FLII: variants seen among roughly 807,000 people sequenced by gnomAD.
FLII encodes FLII actin remodeling protein.
Under a neutral mutation model 156.2 loss-of-function variants are expected in FLII, and 101 were observed. That is an observed-to-expected ratio of 0.65 (90% CI 0.55 to 0.76). FLII has a LOEUF of 0.76. Among genes scored for constraint, FLII ranks in the 30% least tolerant of loss-of-function variants. The probability of loss-of-function intolerance (pLI) is 0.00; values close to 1 mark genes in which losing one functional copy is unlikely to be tolerated. For missense variants in FLII, 1,675 were observed against 1,682.8 expected (o/e 1.00, Z 0.08); for synonymous variants, 767 against 685.8 (o/e 1.12, Z -1.85).
Position 18,247,052 on chromosome 17 carries a change from C to G in FLII, c.2677G>C (p.Ala893Pro). The change falls in exon 22 of 30, where the codon GCG becomes CCG. Residue 893 changes from alanine to proline, a missense_variant and splice_region_variant. Around this residue, in one of 2 missense-constraint regions of FLII, gnomAD observed 1,332 missense variants for 1,269.3 expected, o/e 1.05. Coordinates refer to ENST00000327031, the MANE Select transcript of FLII (RefSeq NM_002018.4). ...TTCCACTCCTCCATCAGCTGCTCCG[C>G]CTGCAGGTGAGAGGGACCCGCCCCG... is the stretch of plus-strand genomic sequence containing the variant. Reference protein sequence around the residue: ...PRQPPMSLAEAEQLMEEWNED... With the variant: ...PRQPPMSLAEPEQLMEEWNED... 1 of 1,612,786 alleles carries G rather than the reference C, an allele frequency of 6.2e-7. No individual in the cohort carries two copies. The highest frequency in any genetic ancestry group is 8.5e-7 in the Non-Finnish European group (1 of 1,180,002).
At chr17:18,253,059 A>T (rs1048442883) in intron 9 of FLII, among the ~76,000 whole-genome samples, 3 of 152,242 alleles carry the variant, frequency 2.0e-5, no homozygotes, top group Admixed American at 2.0e-4. Context: ...CTGAGGCAGG[A>T]GATTCGCTTG....
In FLII at chr17:18,244,902, G is replaced by A. The variant is rs374445084; in HGVS notation, c.*236C>T. 3 of 530,272 alleles carry A rather than the reference G, an allele frequency of 5.7e-6. No homozygotes were observed. Among genetic ancestry groups the A allele is most frequent in the Non-Finnish European group, 1.0e-5 (3 of 298,716 alleles). 32.8% of individuals were successfully genotyped at this position (530,272 alleles called of 1,614,324 possible). Reference sequence around the variant, plus strand: ...GGCATCCACATCTGCTTTATCCCTAGCGGAAGAGTGAGGGGGCTTCACACG... The same window carrying A: ...GGCATCCACATCTGCTTTATCCCTAACGGAAGAGTGAGGGGGCTTCACACG... On this transcript the variant is annotated 3_prime_UTR_variant, in exon 30 of 30. Coordinates refer to ENST00000327031, the MANE Select transcript of FLII (RefSeq NM_002018.4).
chr17:18,247,575 G>C (rs777368460), intron 20 of FLII, 82 bp downstream of exon 20: 321 of 1,312,426 alleles, frequency 2.4e-4, no homozygotes, highest in Non-Finnish European at 3.2e-4. Context: ...CAGCTCTGTA[G>C]GGAGGTAGTG....
chr17:18,251,549 A>G, intron 12 of FLII, 72 bp from the exon 13 acceptor site: 4 of 1,558,980 alleles, frequency 2.6e-6, no homozygotes, highest in Non-Finnish European at 3.5e-6. Context: ...TGCTACCCAC[A>G]CCTCAGGGCC....
Position 18,246,069 on chromosome 17 carries a change from AGT to A in FLII, c.3268-9_3268-8del. The A allele has an allele frequency of 6.2e-7, 1 of 1,614,072 alleles. No homozygotes were observed. The highest frequency in any genetic ancestry group is 8.5e-7 in the Non-Finnish European group (1 of 1,179,996). ...CCTCACTCTCAAAGGGAACCTGGGG[AGT>A]GTGCAGGGGTGGGGGTGTTCGCAGC... On this transcript the variant is annotated splice_polypyrimidine_tract_variant and splice_region_variant and intron_variant, in intron 25 of 29. Coordinates refer to ENST00000327031, the MANE Select transcript of FLII (RefSeq NM_002018.4).
chr17:18,253,334 T>C lies in FLII; in HGVS notation c.980A>G (p.Asn327Ser). The C allele has an allele frequency of 1.2e-6, 2 of 1,613,940 alleles. No individual in the cohort carries two copies. The highest frequency in any genetic ancestry group is 1.7e-6 in the Non-Finnish European group (2 of 1,180,030). The change falls in exon 9 of 30, where the codon AAC becomes AGC. Residue 327 changes from asparagine (N) to serine (S), a missense_variant. Transcript: ENST00000327031. Reference protein sequence around the residue: ...TNLEEFMAANNNLELVPESLC... With the variant: ...TNLEEFMAANSNLELVPESLC... The stretch of plus-strand genomic sequence containing the variant: ...ACTTTCAGGGACCAGCTCCAGGTTG[T>C]TGTTGGCAGCCATGAACTCTTCCAG...
rs1414277249 is a variant in FLII at position 18,245,962 on chromosome 17, G to A, written c.3368C>T (p.Thr1123Ile). 2 of 1,614,046 alleles carry A rather than the reference G, an allele frequency of 1.2e-6. No homozygotes were observed. The highest frequency in any genetic ancestry group is 1.7e-6 in the Non-Finnish European group (2 of 1,179,978). Residue 1123 changes from threonine to isoleucine, a missense_variant, in exon 26 of 30, where the codon ACC (threonine) becomes ATC (isoleucine). By Grantham distance (89) the Thr-to-Ile change is moderately conservative (BLOSUM62 -1). Transcript: ENST00000327031. Reference sequence around the variant, plus strand: ...CTTGCTGTAGGAGGTGTCAAACATGGTGTTCAGGATGTCTTCTGCCAACTT... The same window carrying A: ...CTTGCTGTAGGAGGTGTCAAACATGATGTTCAGGATGTCTTCTGCCAACTT... The part of the protein sequence containing the change: ...EAKLAEDILN[T>I]MFDTSYSKQV...
rs375874676 is a variant in FLII at position 18,249,394 on chromosome 17, G to C, written c.1791C>G (p.Asp597Glu). 2.0e-5 allele frequency: 32 copies of C among 1,614,038 alleles called. No individual in the cohort carries two copies. The highest frequency in any genetic ancestry group is 2.6e-5 in the Non-Finnish European group (31 of 1,179,920). Reference protein sequence around the residue: ...SEEFLQVFDNDISYIEGGTAS... With the variant: ...SEEFLQVFDNEISYIEGGTAS... Reference sequence around the variant, plus strand: ...CTGTTCCACCCTCAATGTAGGAGATGTCGTTGTCAAACACCTGTGTGTGTG... The same window carrying C: ...CTGTTCCACCCTCAATGTAGGAGATCTCGTTGTCAAACACCTGTGTGTGTG... The change falls in exon 15 of 30, where the codon GAC becomes GAG. Residue 597 changes from aspartate to glutamate, a missense_variant. Asp to Glu is a conservative substitution (Grantham distance 45, BLOSUM62 2). Transcript: ENST00000327031.
Position 18,248,781 on chromosome 17 carries a change from C to T in FLII, c.2018+19G>A. ...ACACCCCTTTCCTTCACACAAAAGA[C>T]CCCACGGTGTCCTTGTACCTGGCCT... On this transcript the variant is annotated intron_variant, in intron 17 of 29. Coordinates refer to ENST00000327031, the MANE Select transcript of FLII (RefSeq NM_002018.4). 1.2e-6 allele frequency: 2 copies of T among 1,613,890 alleles called. No homozygotes were observed. Among genetic ancestry groups the T allele is most frequent in the Non-Finnish European group, 1.7e-6 (2 of 1,179,814 alleles).
chr17:18,246,096 C>T, intron 25 of FLII, 34 bp from the exon 26 acceptor site: 1 of 1,614,140 alleles, frequency 6.2e-7, no homozygotes, highest in African/African-American at 1.3e-5. Flanking sequence ...GTGTTCGCAG[C>T]TGACTCAGCC....
In FLII at chr17:18,254,963, G is replaced by C. The variant is rs145421657; in HGVS notation, c.328-109C>G. On this transcript the variant is annotated intron_variant, in intron 4 of 29. Transcript: ENST00000327031. ...GAGTTGGGTGTGGGGGTAGATGAGGGGGCTTCAGGGCCAAAGGGAGACAGC... is the reference window on the plus strand; with the variant it reads ...GAGTTGGGTGTGGGGGTAGATGAGGCGGCTTCAGGGCCAAAGGGAGACAGC... 1,879 of 1,107,996 alleles carry C rather than the reference G, an allele frequency of 1.7e-3. 11 individuals carry two copies. In the African/African-American group the frequency reaches 0.02, roughly 12 times the overall value. 68.6% of individuals were successfully genotyped at this position (1,107,996 alleles called of 1,614,324 possible).
Position 18,245,644 on chromosome 17 carries a change from CCTT to C in FLII, c.3517_3519del (p.Lys1173del), listed in dbSNP as rs2048014720. 6.2e-7 allele frequency: 1 copy of C among 1,613,846 alleles called. No individual in the cohort carries two copies. Among genetic ancestry groups the C allele is most frequent in the Non-Finnish European group, 8.5e-7 (1 of 1,179,994 alleles). On this transcript the variant is annotated inframe_deletion, in exon 28 of 30. Coordinates refer to ENST00000327031, the MANE Select transcript of FLII (RefSeq NM_002018.4). ...CATTTCTCAGTCACTGCAAAGTAGCCCTTCTCGTTGGAGCACCTGGGAATCAAG... is the reference window on the plus strand; with the variant it reads ...CATTTCTCAGTCACTGCAAAGTAGCCCTCGTTGGAGCACCTGGGAATCAAG...
At position 18,255,278 on chromosome 17, in the gene FLII, T is replaced by C. The variant is rs770268068; in HGVS notation, c.247-15A>G. 1.9e-6 allele frequency: 3 copies of C among 1,604,530 alleles called. No homozygotes were observed. The Middle Eastern group carries it at 5.0e-4, about 266-fold the overall frequency. On this transcript the variant is annotated splice_polypyrimidine_tract_variant and intron_variant, in intron 3 of 29. Coordinates refer to ENST00000327031, the MANE Select transcript of FLII (RefSeq NM_002018.4). ...GCCACGATGGCCTGGGAATAAACCA[T>C]AAGAGTCTATAATTCCTGGCTTCCA...
Position 18,251,493 on chromosome 17 carries a change from C to G in FLII, c.1384-16G>C. 6.3e-7 allele frequency: 1 copy of G among 1,591,774 alleles called. No individual in the cohort carries two copies. The highest frequency in any genetic ancestry group is 8.6e-7 in the Non-Finnish European group (1 of 1,168,032). Reference sequence around the variant, plus strand: ...CTGCGCTCTCCTGGGGGCAGAGTCACAGAGCACGGCTTGACTCTGTGAAGC... The same window carrying G: ...CTGCGCTCTCCTGGGGGCAGAGTCAGAGAGCACGGCTTGACTCTGTGAAGC... On this transcript the variant is annotated splice_polypyrimidine_tract_variant and intron_variant, in intron 12 of 29. Coordinates refer to ENST00000327031, the MANE Select transcript of FLII (RefSeq NM_002018.4).
chr17:18,246,344 T>A lies in FLII; in HGVS notation c.3170A>T (p.Tyr1057Phe), dbSNP rs775298698. The change falls in exon 24 of 30, where the codon TAC becomes TTC. Residue 1057 changes from tyrosine (Y) to phenylalanine (F), a missense_variant. Transcript: ENST00000327031. ...GGCGCTGCCGTTGGTGCGGATCTGG[T>A]AGAGGCTGGGCTGTTGGGCGCCCTG... ...AVQGAQQPSL[Y>F]QIRTNGSALC... 19 of 1,613,854 alleles carry A rather than the reference T, an allele frequency of 1.2e-5. No homozygotes were observed. Among genetic ancestry groups the A allele is most frequent in the Non-Finnish European group, 1.6e-5 (19 of 1,179,982 alleles).
chr17:18,252,095 C>T lies in FLII; in HGVS notation c.1150G>A (p.Asp384Asn), dbSNP rs200119039. ...ATGTTGTACCACTCAGCGGCACGGT[C>T]TGCGGGCTTGGGCGGCATGACCAGG... ...PNLVMPPKPA[D>N]RAAEWYNIDF... The change falls in exon 11 of 30, where the codon GAC becomes AAC. Residue 384 changes from aspartate to asparagine, a missense_variant. Asp to Asn is a conservative substitution (Grantham distance 23). Around this residue, in one of 2 missense-constraint regions of FLII, gnomAD observed 1,332 missense variants for 1,269.3 expected, o/e 1.05. Coordinates refer to ENST00000327031, the MANE Select transcript of FLII (RefSeq NM_002018.4). 6.2e-7 allele frequency: 1 copy of T among 1,613,444 alleles called. No individual in the cohort carries two copies. The highest frequency in any genetic ancestry group is 2.2e-5 in the East Asian group (1 of 44,886).
At position 18,249,355 on chromosome 17, in the gene FLII, G is replaced by A; in HGVS notation, c.1830C>T (p.Tyr610=). The change falls in exon 15 of 30, where the codon TAC becomes TAT. Residue 610 remains tyrosine (Y), a synonymous_variant. Coordinates refer to ENST00000327031, the MANE Select transcript of FLII (RefSeq NM_002018.4). The part of the protein sequence containing the change: ...YIEGGTASGF[Y]TVEDTHYVTR... ...TGACATAGTGTGTGTCTTCCACAGT[G>A]TAGAAGCCACTGGCTGTTCCACCCT... 6.2e-7 allele frequency: 1 copy of A among 1,614,156 alleles called. No individual in the cohort carries two copies. Among genetic ancestry groups the A allele is most frequent in the Non-Finnish European group, 8.5e-7 (1 of 1,180,002 alleles).
Position 18,245,066 on chromosome 17 carries a change from A to AT in FLII, c.*71dup. 6.5e-7 allele frequency: 1 copy of AT among 1,530,670 alleles called. No homozygotes were observed. The highest frequency in any genetic ancestry group is 8.9e-7 in the Non-Finnish European group (1 of 1,126,988). The allele number at this position is 1,530,670 out of a possible 1,614,324, so 94.8% of individuals were successfully genotyped here. ...GGAGCAGGTGGTGTCACCTGAGTAC[A>AT]TTCTTTGCTAGCAGACAGTGGATGA... is the stretch of plus-strand genomic sequence containing the variant. On this transcript the variant is annotated 3_prime_UTR_variant, in exon 30 of 30. Transcript: ENST00000327031.
rs142476596 is a variant in FLII at position 18,246,318 on chromosome 17, G to C, written c.3196C>G (p.Leu1066Val). Reference sequence around the variant, plus strand: ...CCCCCAGCCAGGCACCGGGTGCAGAGGGCGCTGCCGTTGGTGCGGATCTGG... The same window carrying C: ...CCCCCAGCCAGGCACCGGGTGCAGACGGCGCTGCCGTTGGTGCGGATCTGG... ...LYQIRTNGSA[L>V]CTRCIQINTD... Residue 1066 changes from leucine to valine, a missense_variant, in exon 24 of 30, where the codon CTC becomes GTC. By Grantham distance (32) the Leu-to-Val change is conservative (BLOSUM62 1). This residue lies in a region of FLII where 1,332 missense variants were observed against 1,269.3 expected (regional missense o/e 1.05). Coordinates refer to ENST00000327031, the MANE Select transcript of FLII (RefSeq NM_002018.4). 1 of 1,613,880 alleles carries C rather than the reference G, an allele frequency of 6.2e-7. No homozygotes were observed. Among genetic ancestry groups the C allele is most frequent in the Admixed American group, 1.7e-5 (1 of 60,030 alleles).
Sources: gnomAD v4.1 joint callset for allele counts (sites outside exome capture counted in the v4.1 genomes callset) on GRCh38, gnomAD v4.1.1 for gene constraint, gnomAD v4.1.1 regional missense constraint, MANE v1.5 for transcripts, NCBI Gene and HGNC (gene_info 2026-07-23, HGNC 2026-07-21) for gene names.